The following CDH12 variants were observed in gnomAD, a reference collection of about 807,000 sequenced individuals.
CDH12 encodes cadherin 12.
In CDH12, 41 loss-of-function variants were observed where a neutral mutation model predicts 74.1. That is an observed-to-expected ratio of 0.55 (90% CI 0.43 to 0.72). The LOEUF (loss-of-function observed/expected upper bound fraction) is 0.72, where lower values mean the gene tolerates loss of function less well. CDH12 is among the 30% of genes least tolerant of loss of function. CDH12 has a pLI of 0.00. For synonymous variants in CDH12, 399 were observed against 355.0 expected (o/e 1.12, Z -1.39); for missense variants, 945 against 977.2 (o/e 0.97, Z 0.44).
intron 1 of CDH12, among the ~76,000 whole-genome samples, chr5:22,545,100 C>A (rs551320447): frequency 3.9e-5 from 6 of 152,272 alleles, no homozygotes; most frequent in African/African-American, 1.2e-4. Context: ...CCTCTGGCTA[C>A]TTTTGAGGTG....
At chr5:22,028,684 G>A (rs1041398013) in intron 5 of CDH12, among the ~76,000 whole-genome samples, 1 of 152,066 alleles carries the variant, frequency 6.6e-6, no homozygotes, top group Admixed American at 6.6e-5. Context: ...TGGCCATACT[G>A]CCCAAGGTAA....
intron 1 of CDH12, among the ~76,000 whole-genome samples, chr5:22,562,898 A>C (rs1739124419): frequency 6.7e-6 from 1 of 148,274 alleles, no homozygotes; most frequent in African/African-American, 2.4e-5. Context: ...ATATTTAAAT[A>C]TAGAAATATA....
chr5:22,758,147 C>G (rs1746027979), intron 1 of CDH12, among the ~76,000 whole-genome samples: 1 of 152,198 alleles, frequency 6.6e-6, no homozygotes, highest in Non-Finnish European at 1.5e-5. Context: ...CTCTCGTCAT[C>G]TAACTGCCAC....
chr5:22,079,045 C>T (rs1742535705), intron 4 of CDH12, among the ~76,000 whole-genome samples, 183 bp from the exon 5 acceptor site: 1 of 152,088 alleles, frequency 6.6e-6, no homozygotes, highest in Non-Finnish European at 1.5e-5. Context: ...GAGTTTTTCA[C>T]AGACTTGAGA....
At chr5:22,135,141 A>G (rs6898487) in intron 4 of CDH12, among the ~76,000 whole-genome samples, 23,671 of 150,612 alleles carry the variant, frequency 0.16, 2,262 homozygotes, top group African/African-American at 0.27. Flanking sequence ...CTTGGAGACT[A>G]TAAGTGGATG....
rs1026057159 is a variant in CDH12 at position 22,258,534 on chromosome 5, A to G, written c.-332-45891T>C. Reference sequence around the variant, plus strand: ...AACTGTTCAAATGCTCTGTTTTCATAAAATGTTAAAAGTTAAAAAAAAAAA... The same window carrying G: ...AACTGTTCAAATGCTCTGTTTTCATGAAATGTTAAAAGTTAAAAAAAAAAA... On this transcript the variant is annotated intron_variant, in intron 3 of 14. Coordinates refer to ENST00000382254, the MANE Select transcript of CDH12 (RefSeq NM_004061.5). Among the ~76,000 whole-genome samples, 6 of 151,992 alleles carry G rather than the reference A, an allele frequency of 3.9e-5. No homozygotes were observed. In the East Asian group the frequency reaches 1.2e-3, roughly 29 times the overall value.
intron 9 of CDH12, among the ~76,000 whole-genome samples, chr5:21,811,531 AAC>A (rs1009986254): frequency 3.3e-5 from 5 of 152,014 alleles, no homozygotes; most frequent in African/African-American, 1.2e-4. Context: ...CTAGTGACTA[AAC>A]ACAAATTTCA....
intron 1 of CDH12, among the ~76,000 whole-genome samples, chr5:22,710,876 G>A (rs545484180): frequency 1.3e-5 from 2 of 152,114 alleles, no homozygotes; most frequent in South Asian, 4.1e-4. Flanking sequence ...GACCTTATAG[G>A]ATTCTTGTGA....
At chr5:21,860,829 A>C (rs1318013032) in intron 6 of CDH12, among the ~76,000 whole-genome samples, 1 of 151,990 alleles carries the variant, frequency 6.6e-6, no homozygotes, top group Non-Finnish European at 1.5e-5. Context: ...CCTGCATTTG[A>C]GGTTTTGGGA....
chr5:22,572,839 G>A (rs1739606267), intron 1 of CDH12, among the ~76,000 whole-genome samples: 1 of 152,106 alleles, frequency 6.6e-6, no homozygotes, highest in African/African-American at 2.4e-5. Flanking sequence ...TCCAGAAGTA[G>A]ATCTAAAGGT....
chr5:21,889,623 T>C (rs979615199), intron 6 of CDH12: 2 of 985,264 alleles, frequency 2.0e-6, no homozygotes, highest in African/African-American at 3.5e-5. Flanking sequence ...CGCATGTGTG[T>C]GGCTTTGATA....
At chr5:22,251,522 T>C (rs1260761079) in intron 3 of CDH12, among the ~76,000 whole-genome samples, 1 of 152,148 alleles carries the variant, frequency 6.6e-6, no homozygotes, top group Non-Finnish European at 1.5e-5. Flanking sequence ...CGTATGAAAA[T>C]GGATTCATTA....
chr5:22,574,484 T>A (rs1211317996), intron 1 of CDH12, among the ~76,000 whole-genome samples: 1 of 152,162 alleles, frequency 6.6e-6, no homozygotes, highest in Non-Finnish European at 1.5e-5. Context: ...TTTATAAAGG[T>A]AGATTTTATG....
At chr5:21,773,574 T>C (rs1745438615) in intron 11 of CDH12, among the ~76,000 whole-genome samples, 1 of 152,160 alleles carries the variant, frequency 6.6e-6, no homozygotes, top group South Asian at 2.1e-4. Flanking sequence ...GACTGAACGC[T>C]GCAACTATTG....
intron 3 of CDH12, among the ~76,000 whole-genome samples, chr5:22,263,557 A>G (rs1453913977): frequency 6.6e-6 from 1 of 152,218 alleles, no homozygotes; most frequent in African/African-American, 2.4e-5. Context: ...CATCCTGGCC[A>G]TTTTGTAACT....
At chr5:22,535,949 A>C (rs1172824118) in intron 1 of CDH12, among the ~76,000 whole-genome samples, 2 of 152,248 alleles carry the variant, frequency 1.3e-5, no homozygotes, top group Non-Finnish European at 2.9e-5. Flanking sequence ...TTCCCTAAAC[A>C]ATAGAGTATA....
intron 2 of CDH12, among the ~76,000 whole-genome samples, chr5:22,421,499 C>T (rs1186139319): frequency 1.3e-5 from 2 of 152,108 alleles, no homozygotes; most frequent in East Asian, 3.9e-4. Context: ...CATCCATATC[C>T]CTGCAAAGGA....
At chr5:21,814,142 AGTGTGTGTGTGTGTGTGTGT>A (rs59666017) in intron 9 of CDH12, among the ~76,000 whole-genome samples, 66 of 145,516 alleles carry the variant, frequency 4.5e-4, no homozygotes, top group African/African-American at 1.5e-3. Flanking sequence ...AGGAGAAATG[AGTGTGTGTGTGTGTGTGTGT>A]GTGTGTGTGT....
intron 1 of CDH12, among the ~76,000 whole-genome samples, chr5:22,534,153 AG>A (rs1737718822): frequency 6.6e-6 from 1 of 152,102 alleles, no homozygotes; most frequent in Non-Finnish European, 1.5e-5. Context: ...TTGTAGCAAA[AG>A]TGAGGCTCTG....
Sources: gnomAD v4.1 joint callset for allele counts (sites outside exome capture counted in the v4.1 genomes callset) on GRCh38, gnomAD v4.1.1 for gene constraint, MANE v1.5 for transcripts, NCBI Gene and HGNC (gene_info 2026-07-23, HGNC 2026-07-21) for gene names.